EPB41L5: variants seen among roughly 807,000 people sequenced by gnomAD.
EPB41L5 encodes band 4.1-like protein 5.
In EPB41L5, 55 loss-of-function variants were observed where a neutral mutation model predicts 106.6. The observed-to-expected ratio is 0.52, with a 90% CI of 0.42 to 0.65. EPB41L5 has a LOEUF of 0.65. EPB41L5 is among the 30% of genes least tolerant of loss of function. The probability of loss-of-function intolerance (pLI) is 0.00; values close to 1 mark genes in which losing one functional copy is unlikely to be tolerated. For synonymous variants in EPB41L5, 297 were observed against 306.7 expected (o/e 0.97, Z 0.33); for missense variants, 871 against 882.1 (o/e 0.99, Z 0.16).
Position 120,073,165 on chromosome 2 carries a change from T to G in EPB41L5, c.286-13T>G. ...GTCATCTGCTTAACTAAATTTTTGTTTTTGTTTTTCAGCATTGGTTGGATG... is the reference window on the plus strand; with the variant it reads ...GTCATCTGCTTAACTAAATTTTTGTGTTTGTTTTTCAGCATTGGTTGGATG... On this transcript the variant is annotated splice_polypyrimidine_tract_variant and intron_variant, in intron 3 of 24. Coordinates refer to ENST00000263713, the MANE Select transcript of EPB41L5 (RefSeq NM_020909.4). The G allele has an allele frequency of 6.2e-7, 1 of 1,600,764 alleles. No individual in the cohort carries two copies. Among genetic ancestry groups the G allele is most frequent in the Non-Finnish European group, 8.5e-7 (1 of 1,177,076 alleles).
At chr2:120,135,160 C>T (rs1165770116) in intron 18 of EPB41L5, among the ~76,000 whole-genome samples, 10 of 151,848 alleles carry the variant, frequency 6.6e-5, no homozygotes, top group Admixed American at 1.3e-4. Flanking sequence ...ATTCAATTGA[C>T]GTAATGAAGA....
chr2:120,049,499 T>C (rs1302614079), intron 3 of EPB41L5, among the ~76,000 whole-genome samples: 2 of 152,160 alleles, frequency 1.3e-5, no homozygotes, highest in East Asian at 3.9e-4. Context: ...GCTTTTTTTT[T>C]GTTTTCCATT....
chr2:120,061,046 T>TTTG (rs1360613069), intron 3 of EPB41L5, among the ~76,000 whole-genome samples: 3 of 120,366 alleles, frequency 2.5e-5, no homozygotes, highest in Non-Finnish European at 3.5e-5. Flanking sequence ...TTTTTTTTTT[T>TTTG]TTTTTTTTTT....
intron 3 of EPB41L5, among the ~76,000 whole-genome samples, chr2:120,061,030 A>ATTTTTTTTTTTT (rs1487982867): frequency 1.6e-5 from 1 of 63,096 alleles, no homozygotes; most frequent in Non-Finnish European, 3.5e-5. Context: ...GGTTCAGGGA[A>ATTTTTTTTTTTT]GTTTTTTTTT....
At chr2:120,106,032 A>G (rs1684435105) in intron 16 of EPB41L5, 8 of 984,834 alleles carry the variant, frequency 8.1e-6, no homozygotes, top group Non-Finnish European at 9.6e-6. Flanking sequence ...AATGCCCCAT[A>G]TATATCTTAG....
intron 3 of EPB41L5, among the ~76,000 whole-genome samples, chr2:120,071,291 T>G (rs1422604241): frequency 6.6e-6 from 1 of 152,168 alleles, no homozygotes; most frequent in Admixed American, 6.5e-5. Context: ...GAGGACCTCT[T>G]GAAGGAGAAC....
At chr2:120,173,146 A>G (rs1422022557) in intron 24 of EPB41L5, among the ~76,000 whole-genome samples, 2 of 152,348 alleles carry the variant, frequency 1.3e-5, no homozygotes, top group East Asian at 3.9e-4. Flanking sequence ...AATAAAAGTT[A>G]CATAAAACAT....
In EPB41L5 at chr2:120,137,459, C is replaced by T. The variant is rs142431254; in HGVS notation, c.1600-5544C>T. On this transcript the variant is annotated intron_variant, in intron 18 of 24. Transcript: ENST00000263713. The stretch of plus-strand genomic sequence containing the variant: ...GAAAAGATAAACAAAATGGACAAAC[C>T]TTTGGCCAGATTAAGAAAAAAGAGA... 7.7e-3 allele frequency among the ~76,000 whole-genome samples: 1,170 copies of T among 151,582 alleles called. 12 individuals are homozygous for T. Among genetic ancestry groups the T allele is most frequent in the African/African-American group, 0.026 (1,075 of 41,396 alleles).
chr2:120,109,954 A>C (rs1366110851), intron 16 of EPB41L5, among the ~76,000 whole-genome samples: 1 of 152,248 alleles, frequency 6.6e-6, no homozygotes, highest in African/African-American at 2.4e-5. Flanking sequence ...AATTTATGAC[A>C]GTGATTTTCC....
At chr2:120,071,050 C>T (rs988048563) in intron 3 of EPB41L5, among the ~76,000 whole-genome samples, 7 of 152,186 alleles carry the variant, frequency 4.6e-5, no homozygotes, top group Admixed American at 1.3e-4. Context: ...GTCAGATTGC[C>T]TCTGTTTGCA....
chr2:120,168,576 T>C (rs1687523651), intron 24 of EPB41L5, among the ~76,000 whole-genome samples: 1 of 152,236 alleles, frequency 6.6e-6, no homozygotes, highest in African/African-American at 2.4e-5. Flanking sequence ...AGATTTAGAA[T>C]TGCCTTCACT....
intron 2 of EPB41L5, among the ~76,000 whole-genome samples, chr2:120,030,576 C>T (rs140362121): frequency 1.5e-4 from 23 of 152,276 alleles, no homozygotes; most frequent in East Asian, 7.7e-4. Flanking sequence ...TTTATTGAGG[C>T]GGAGTCTGGC....
intron 16 of EPB41L5, among the ~76,000 whole-genome samples, chr2:120,124,871 G>A (rs1239058263): frequency 2.0e-5 from 3 of 151,844 alleles, no homozygotes; most frequent in Non-Finnish European, 4.4e-5. Context: ...TTGTTTTTTC[G>A]TGATGAGATT....
chr2:120,039,853 A>C (rs1679291098), intron 2 of EPB41L5, among the ~76,000 whole-genome samples: 1 of 151,486 alleles, frequency 6.6e-6, no homozygotes, highest in African/African-American at 2.4e-5. Flanking sequence ...AAAAAGAAGA[A>C]AGTAATTTTA....
intron 15 of EPB41L5, 49 bp downstream of exon 15, chr2:120,100,335 G>T: frequency 6.6e-7 from 1 of 1,526,022 alleles, no homozygotes. Context: ...GTTAATTATG[G>T]TAACAGTAGT....
Position 120,105,915 on chromosome 2 carries a change from A to T in EPB41L5, c.1337+5101A>T, listed in dbSNP as rs188960738. 5.1e-4 allele frequency: 504 copies of T among 985,110 alleles called. No individual in the cohort carries two copies. In the African/African-American group the frequency reaches 8.0e-3, roughly 16 times the overall value. The allele number at this position is 985,110 out of a possible 1,614,324, so 61.0% of individuals were successfully genotyped here. On this transcript the variant is annotated intron_variant, in intron 16 of 24. Transcript: ENST00000263713. ...AGGTTTCATGGGTATGTATATCATT[A>T]AAAAAAGTACTGTTTCTATAGTAAA...
At chr2:120,162,211 T>C (rs1263541651) in intron 21 of EPB41L5, among the ~76,000 whole-genome samples, 1 of 152,228 alleles carries the variant, frequency 6.6e-6, no homozygotes, top group Non-Finnish European at 1.5e-5. Flanking sequence ...CTATCACTAA[T>C]TGCACTGCAG....
intron 2 of EPB41L5, among the ~76,000 whole-genome samples, chr2:120,027,260 T>C (rs1007587942): frequency 3.3e-5 from 5 of 152,190 alleles, no homozygotes; most frequent in Non-Finnish European, 7.3e-5. Context: ...TCAGCATTAT[T>C]CATAATAGTT....
chr2:120,101,540 A>G (rs568546826), intron 16 of EPB41L5: 1 of 152,306 alleles, frequency 6.6e-6, no homozygotes, highest in East Asian at 1.9e-4. Context: ...TGTTTGTGAA[A>G]TGAATTTTGA....
Sources: allele counts gnomAD v4.1 joint callset (sites outside exome capture counted in the v4.1 genomes callset), GRCh38; gene constraint gnomAD v4.1.1; transcripts MANE v1.5; gene names NCBI Gene and HGNC (gene_info 2026-07-23, HGNC 2026-07-21).